Variants in DENND11 observed in about 807,000 individuals in gnomAD.
DENND11 encodes the protein DENN domain-containing protein 11.
DENND11 carries 34 observed loss-of-function variants against 49.2 expected under a neutral mutation model. That is an observed-to-expected ratio of 0.69 (90% CI 0.53 to 0.92). DENND11 has a LOEUF of 0.92. DENND11 is among the 40% of genes least tolerant of loss of function. DENND11 has a pLI of 0.00. For synonymous variants in DENND11, 238 were observed against 230.3 expected (o/e 1.03, Z -0.30); for missense variants, 475 against 581.6 (o/e 0.82, Z 1.88).
chr7:141,672,903 G>A lies in DENND11; in HGVS notation c.681+1164C>T, dbSNP rs1013889103. Among the ~76,000 whole-genome samples the A allele has an allele frequency of 5.4e-4, 82 of 152,018 alleles. 1 individual carries two copies. Among genetic ancestry groups the A allele is most frequent in the African/African-American group, 2.0e-3 (82 of 41,380 alleles). On this transcript the variant is annotated intron_variant, in intron 4 of 8. Coordinates refer to ENST00000536163, the MANE Select transcript of DENND11 (RefSeq NM_001080392.2). Reference sequence around the variant, plus strand: ...AATACCTACATGGTCTCTTTACCCGGTAAGCCCCTAATTGGTACTTATTAG... The same window carrying A: ...AATACCTACATGGTCTCTTTACCCGATAAGCCCCTAATTGGTACTTATTAG...
intron 7 of DENND11, 45 bp from the exon 8 acceptor site, chr7:141,664,285 C>A (rs757896935): frequency 4.7e-6 from 7 of 1,495,814 alleles, no homozygotes; most frequent in Non-Finnish European, 5.5e-6. Context: ...GTACCAGGAC[C>A]GCAGTCACAG....
At chr7:141,664,826 C>T in intron 7 of DENND11, 78 bp downstream of exon 7, 1 of 1,444,124 alleles carries the variant, frequency 6.9e-7, no homozygotes, top group East Asian at 2.5e-5. Context: ...GGGCAGAAGA[C>T]AGGCTTTGCA....
chr7:141,680,713 C>T (rs567866995), intron 3 of DENND11, among the ~76,000 whole-genome samples: 1 of 151,898 alleles, frequency 6.6e-6, no homozygotes, highest in East Asian at 2.0e-4. Context: ...AGGTCTTTCC[C>T]TCTTCCTACA....
intron 3 of DENND11, among the ~76,000 whole-genome samples, chr7:141,684,455 A>G (rs1798198482): frequency 6.6e-6 from 1 of 152,154 alleles, no homozygotes; most frequent in African/African-American, 2.4e-5. Flanking sequence ...TATTAATCCT[A>G]TTTTTGTAAA....
At chr7:141,686,053 A>G (rs999875068) in intron 2 of DENND11, among the ~76,000 whole-genome samples, 5 of 152,024 alleles carry the variant, frequency 3.3e-5, no homozygotes, top group African/African-American at 1.2e-4. Flanking sequence ...CTGCCATTTT[A>G]TTTCCTCCTC....
At chr7:141,674,509 T>A (rs572884678) in intron 3 of DENND11, among the ~76,000 whole-genome samples, 1 of 152,260 alleles carries the variant, frequency 6.6e-6, no homozygotes, top group South Asian at 2.1e-4. Context: ...AGACTATGAC[T>A]AATGTCTATT....
chr7:141,696,790 C>G (rs1435486962), intron 1 of DENND11, among the ~76,000 whole-genome samples: 1 of 152,232 alleles, frequency 6.6e-6, no homozygotes, highest in East Asian at 1.9e-4. Context: ...AGGTGGAAAC[C>G]TCCAAAGAGT....
At position 141,657,890 on chromosome 7, in the gene DENND11, C is replaced by T. The variant is rs1797722594; in HGVS notation, c.*4766G>A. 1 of 152,578 alleles carries T rather than the reference C, an allele frequency of 6.6e-6. No individual in the cohort carries two copies. Among genetic ancestry groups the T allele is most frequent in the African/African-American group, 2.4e-5 (1 of 41,420 alleles). The allele number at this position is 152,578 out of a possible 1,614,324, so 9.5% of individuals were successfully genotyped here. On this transcript the variant is annotated 3_prime_UTR_variant, in exon 9 of 9. Transcript: ENST00000536163. ...CCAGTTATAACACTACCTCCCACTC[C>T]CACCTCTCTCAAGAAAGAGGCCTAA...
intron 3 of DENND11, among the ~76,000 whole-genome samples, chr7:141,676,460 G>T (rs1798061909): frequency 6.6e-6 from 1 of 152,168 alleles, no homozygotes; most frequent in Non-Finnish European, 1.5e-5. Context: ...CTAAAGAAAA[G>T]TTCAGTACAA....
intron 1 of DENND11, among the ~76,000 whole-genome samples, chr7:141,688,214 T>C (rs1240575402): frequency 2.0e-5 from 3 of 152,010 alleles, no homozygotes; most frequent in Admixed American, 6.6e-5. Flanking sequence ...TTCAAAAGGG[T>C]TTAAAGCAAA....
At chr7:141,677,511 A>G (rs1253216942) in intron 3 of DENND11, among the ~76,000 whole-genome samples, 1 of 133,306 alleles carries the variant, frequency 7.5e-6, no homozygotes, top group African/African-American at 2.8e-5. Context: ...GTGTATATAT[A>G]TATATATATG....
intron 4 of DENND11, among the ~76,000 whole-genome samples, chr7:141,671,349 G>T (rs535055220): frequency 6.6e-6 from 1 of 152,216 alleles, no homozygotes; most frequent in South Asian, 2.1e-4. Context: ...GCTAATTTTT[G>T]TATTTTTAGT....
rs1797726428 is a variant in DENND11, at chr7:141,658,100, C to G, written c.*4556G>C. The G allele has an allele frequency of 6.6e-6, 1 of 152,166 alleles. No homozygotes were observed. Among genetic ancestry groups the G allele is most frequent in the Admixed American group, 6.5e-5 (1 of 15,284 alleles). The allele number at this position is 152,166 out of a possible 1,614,324, so 9.4% of individuals were successfully genotyped here. On this transcript the variant is annotated 3_prime_UTR_variant, in exon 9 of 9. Transcript: ENST00000536163. The stretch of plus-strand genomic sequence containing the variant: ...AGTAAAACTTCTATGGGGTCTCAGC[C>G]ACCACCAAATTACAAAACTGCCCAT...
intron 1 of DENND11, among the ~76,000 whole-genome samples, chr7:141,697,954 A>G (rs986287063): frequency 6.6e-6 from 1 of 152,204 alleles, no homozygotes; most frequent in Admixed American, 6.5e-5. Context: ...AGGGAGAAAC[A>G]TCTTGAAAAC....
chr7:141,680,874 C>T (rs1798138211), intron 3 of DENND11, among the ~76,000 whole-genome samples: 1 of 152,088 alleles, frequency 6.6e-6, no homozygotes, highest in Admixed American at 6.5e-5. Context: ...ACTACTACGA[C>T]TGCCATGCTG....
rs1798029477 is a variant in DENND11, at chr7:141,674,201, C to G, written c.547G>C (p.Gly183Arg). 2 of 1,546,166 alleles carry G rather than the reference C, an allele frequency of 1.3e-6. No homozygotes were observed. The highest frequency in any genetic ancestry group is 2.9e-5 in the African/African-American group (2 of 69,252). ...NQVRHQLEMPGHYSHLAAFYE... is the reference protein window; with the variant it reads ...NQVRHQLEMPRHYSHLAAFYE... The stretch of plus-strand genomic sequence containing the variant: ...AAGGCAGCCAGATGAGAGTAATGTC[C>G]TGGCATCTCCAACTGGTGCCTGCAG... The change falls in exon 4 of 9, where the codon GGA becomes CGA. Residue 183 changes from glycine to arginine, a missense_variant. By Grantham distance (125) the Gly-to-Arg change is moderately radical (BLOSUM62 -2). Transcript: ENST00000536163.
At chr7:141,673,651 C>T (rs1324476848) in intron 4 of DENND11, among the ~76,000 whole-genome samples, 1 of 152,188 alleles carries the variant, frequency 6.6e-6, no homozygotes, top group Non-Finnish European at 1.5e-5. Flanking sequence ...TGTAAATAGG[C>T]ATATTCTAGT....
At position 141,656,994 on chromosome 7, in the gene DENND11, A is replaced by G. The variant is rs887365747; in HGVS notation, c.*5662T>C. 1 of 152,734 alleles carries G rather than the reference A, an allele frequency of 6.5e-6. No homozygotes were observed. The highest frequency in any genetic ancestry group is 2.4e-5 in the African/African-American group (1 of 41,468). The allele number at this position is 152,734 out of a possible 1,614,324, so 9.5% of individuals were successfully genotyped here. On this transcript the variant is annotated 3_prime_UTR_variant, in exon 9 of 9. Coordinates refer to ENST00000536163, the MANE Select transcript of DENND11 (RefSeq NM_001080392.2). ...CACACCAGTATTCAGGGCAAAATCT[A>G]TGCAGTGTCTTACTAATTTCATACT... is the stretch of plus-strand genomic sequence containing the variant.
intron 4 of DENND11, among the ~76,000 whole-genome samples, chr7:141,670,861 G>A (rs1427655146): frequency 6.6e-6 from 1 of 152,214 alleles, no homozygotes; most frequent in Non-Finnish European, 1.5e-5. Context: ...GGGAGGAACT[G>A]CATAGGTTAT....
Sources: allele counts gnomAD v4.1 joint callset (sites outside exome capture counted in the v4.1 genomes callset), GRCh38; gene constraint gnomAD v4.1.1; transcripts MANE v1.5; gene names NCBI Gene and HGNC (gene_info 2026-07-23, HGNC 2026-07-21).